CSGALNACT1: variants seen among roughly 807,000 people sequenced by gnomAD.
CSGALNACT1 encodes the protein beta4GalNAcT-1.
A neutral mutation model predicts 51.0 loss-of-function variants in CSGALNACT1; 52 were observed. That is an observed-to-expected ratio of 1.02 (90% confidence interval 0.82 to 1.29). The LOEUF is 1.29. CSGALNACT1 is among the 50% of genes most tolerant of loss of function. CSGALNACT1 has a pLI of 0.00. For missense variants in CSGALNACT1, 935 were observed against 679.2 expected (o/e 1.38, Z -4.19); for synonymous variants, 341 against 254.4 (o/e 1.34, Z -3.24).
intron 1 of CSGALNACT1, among the ~76,000 whole-genome samples, chr8:19,631,002 G>C (rs186325924): frequency 2.0e-5 from 3 of 152,114 alleles, no homozygotes; most frequent in Admixed American, 6.6e-5. Flanking sequence ...ATTGGAGCTC[G>C]CTGGGTTTTG....
intron 4 of CSGALNACT1, among the ~76,000 whole-genome samples, chr8:19,462,287 C>A (rs1025366208): frequency 1.3e-5 from 2 of 152,126 alleles, no homozygotes. Flanking sequence ...GTCATAAACA[C>A]AGAAAATGCA....
intron 1 of CSGALNACT1, among the ~76,000 whole-genome samples, chr8:19,742,643 T>C (rs1408610284): frequency 5.3e-5 from 8 of 152,246 alleles, no homozygotes; most frequent in African/African-American, 1.9e-4. Flanking sequence ...TTTCAGCTTC[T>C]AACAATATGC....
At chr8:19,672,693 C>G (rs1381420162) in intron 1 of CSGALNACT1, among the ~76,000 whole-genome samples, 1 of 145,856 alleles carries the variant, frequency 6.9e-6, no homozygotes, top group Non-Finnish European at 1.5e-5. Context: ...AGTTCATAAA[C>G]CAACATTCCG....
intron 3 of CSGALNACT1, among the ~76,000 whole-genome samples, chr8:19,543,947 A>T (rs1359864397): frequency 1.3e-5 from 2 of 152,228 alleles, no homozygotes; most frequent in African/African-American, 4.8e-5. Flanking sequence ...AGACGGTGCC[A>T]GTATTAAATT....
intron 5 of CSGALNACT1, chr8:19,457,761 C>G (rs762121800): frequency 2.2e-6 from 3 of 1,350,776 alleles, no homozygotes; most frequent in South Asian, 2.3e-5. Flanking sequence ...TTCTAAGATC[C>G]AACACCGCAC....
intron 3 of CSGALNACT1, among the ~76,000 whole-genome samples, chr8:19,517,924 T>C (rs1312647964): frequency 6.6e-6 from 1 of 152,106 alleles, no homozygotes; most frequent in Non-Finnish European, 1.5e-5. Flanking sequence ...ACTGCAAAAG[T>C]AGATGCCCAT....
At chr8:19,512,458 T>C (rs1289194326) in intron 3 of CSGALNACT1, among the ~76,000 whole-genome samples, 1 of 152,248 alleles carries the variant, frequency 6.6e-6, no homozygotes, top group East Asian at 1.9e-4. Context: ...AGTTTTGGAA[T>C]AATTTATTAC....
chr8:19,489,954 G>A (rs764672542), intron 4 of CSGALNACT1, among the ~76,000 whole-genome samples: 1 of 152,156 alleles, frequency 6.6e-6, no homozygotes, highest in African/African-American at 2.4e-5. Context: ...ATGGTACCAA[G>A]AAAAGCAAAA....
chr8:19,597,285 C>CTTTTTTTTTTTT (rs35177349), intron 2 of CSGALNACT1, among the ~76,000 whole-genome samples: 5 of 64,566 alleles, frequency 7.7e-5, no homozygotes, highest in African/African-American at 3.5e-4. Flanking sequence ...TATCTTCTTT[C>CTTTTTTTTTTTT]TTTTTTTTTT....
chr8:19,565,632 C>G (rs1021999846), intron 3 of CSGALNACT1, among the ~76,000 whole-genome samples: 2 of 152,122 alleles, frequency 1.3e-5, no homozygotes, highest in African/African-American at 4.8e-5. Flanking sequence ...CATTAAAGAA[C>G]TTCAGGCCGG....
At chr8:19,679,287 T>A (rs4922082) in intron 1 of CSGALNACT1, among the ~76,000 whole-genome samples, 57,129 of 151,346 alleles carry the variant, frequency 0.38, 11,156 homozygotes, top group East Asian at 0.64. Context: ...CCCCCGTTTC[T>A]ACAAACAAAA....
At chr8:19,654,554 A>G (rs2058095394) in intron 1 of CSGALNACT1, among the ~76,000 whole-genome samples, 1 of 152,064 alleles carries the variant, frequency 6.6e-6, no homozygotes, top group East Asian at 1.9e-4. Context: ...AAATTAGGTA[A>G]TTATTTTTGA....
rs537830976 is a variant in CSGALNACT1, at chr8:19,646,223, G to T, written c.-544+36250C>A. ...TACAAGATAAGTGTGTGTAAAATAA[G>T]AACACTGCCTGGCATGTATCTGGAT... On this transcript the variant is annotated intron_variant, in intron 1 of 9. Coordinates refer to the CSGALNACT1 transcript ENST00000332246. Among the ~76,000 whole-genome samples, 25 of 152,276 alleles carry T rather than the reference G, an allele frequency of 1.6e-4. 1 individual carries two copies. Among genetic ancestry groups the T allele is most frequent in the African/African-American group, 6.0e-4 (25 of 41,562 alleles).
chr8:19,457,903 C>T, intron 5 of CSGALNACT1: 1 of 800,154 alleles, frequency 1.2e-6, no homozygotes, highest in Non-Finnish European at 1.9e-6. Flanking sequence ...ACACTTAAGT[C>T]TAAGATGATG....
intron 3 of CSGALNACT1, among the ~76,000 whole-genome samples, chr8:19,510,278 A>T (rs1460477309): frequency 6.6e-6 from 1 of 152,300 alleles, no homozygotes; most frequent in East Asian, 1.9e-4. Context: ...TCTCTGGGCA[A>T]CAAAACAATG....
intron 3 of CSGALNACT1, among the ~76,000 whole-genome samples, chr8:19,569,450 G>A (rs746431501): frequency 1.3e-5 from 2 of 151,964 alleles, no homozygotes; most frequent in African/African-American, 2.4e-5. Flanking sequence ...TTTGAACCCA[G>A]TACTGAATAT....
At chr8:19,591,563 A>C (rs536476048) in intron 2 of CSGALNACT1, among the ~76,000 whole-genome samples, 1 of 152,338 alleles carries the variant, frequency 6.6e-6, no homozygotes, top group Non-Finnish European at 1.5e-5. Flanking sequence ...AACCATCTTA[A>C]TTGTAGAAAG....
At chr8:19,612,347 A>G (rs1212864396) in intron 1 of CSGALNACT1, among the ~76,000 whole-genome samples, 1 of 152,048 alleles carries the variant, frequency 6.6e-6, no homozygotes, top group African/African-American at 2.4e-5. Flanking sequence ...TGTCTCAAAA[A>G]AAAAAACTAA....
intron 1 of CSGALNACT1, among the ~76,000 whole-genome samples, chr8:19,673,129 G>A (rs74689071): frequency 0.1 from 15,575 of 152,214 alleles, 946 homozygotes; most frequent in Non-Finnish European, 0.14. Flanking sequence ...ACACACACCC[G>A]CTGTGACCAT....
Sources: allele counts gnomAD v4.1 joint callset (sites outside exome capture counted in the v4.1 genomes callset), GRCh38; gene constraint gnomAD v4.1.1; transcripts MANE v1.5; gene names NCBI Gene and HGNC (gene_info 2026-07-23, HGNC 2026-07-21).